The following CCDC88C variants were observed in gnomAD, a reference collection of about 807,000 sequenced individuals.
CCDC88C encodes protein Daple.
CCDC88C carries 131 observed loss-of-function variants against 198.8 expected under a neutral mutation model. The observed-to-expected ratio is 0.66, with a 90% confidence interval of 0.57 to 0.76. CCDC88C has a LOEUF of 0.76. CCDC88C is among the 30% of genes least tolerant of loss of function. The pLI, the probability that CCDC88C is intolerant of heterozygous loss-of-function variation, is 0.00. For synonymous variants in CCDC88C, 1,166 were observed against 1,114.7 expected, an observed-to-expected ratio of 1.05 and a Z score of -0.92; for missense variants, 2,553 against 2,631.6, an observed-to-expected ratio of 0.97 and a Z score of 0.65.
intron 4 of CCDC88C, among the ~76,000 whole-genome samples, chr14:91,344,330 C>T (rs766256912): frequency 5.3e-5 from 8 of 152,206 alleles, no homozygotes; most frequent in Non-Finnish European, 1.0e-4. Context: ...TACAACCTTC[C>T]CCTTTTTATT....
chr14:91,356,285 A>G (rs1178704064), intron 4 of CCDC88C, among the ~76,000 whole-genome samples: 1 of 151,980 alleles, frequency 6.6e-6, no homozygotes, highest in African/African-American at 2.4e-5. Flanking sequence ...AAACCTACTC[A>G]TCCGTGCACC....
In CCDC88C at chr14:91,272,725, A is replaced by C. The variant is rs1456726300; in HGVS notation, c.5987T>G (p.Leu1996Arg). 1.2e-6 allele frequency: 2 copies of C among 1,610,544 alleles called. No individual in the cohort carries two copies. Among genetic ancestry groups the C allele is most frequent in the Non-Finnish European group, 1.7e-6 (2 of 1,179,556 alleles). ...PDLAPHLGRA[L>R]EDCSRGSVSK... ...GACGCTCCCTCGACTGCAGTCCTCC[A>C]GGGCCCGGCCGAGGTGGGGAGCCAA... Residue 1996 changes from leucine to arginine, a missense_variant, in exon 30 of 30, where the codon CTG becomes CGG. Leu to Arg is a moderately radical substitution (Grantham distance 102, BLOSUM62 -2). Transcript: ENST00000389857.
intron 6 of CCDC88C, among the ~76,000 whole-genome samples, chr14:91,340,651 C>T (rs1041741900): frequency 6.6e-6 from 1 of 152,084 alleles, no homozygotes; most frequent in African/African-American, 2.4e-5. Context: ...GGATCCATTT[C>T]GAGCTCTTCT....
intron 4 of CCDC88C, among the ~76,000 whole-genome samples, chr14:91,353,026 A>G (rs1893885478): frequency 6.6e-6 from 1 of 151,772 alleles, no homozygotes; most frequent in African/African-American, 2.4e-5. Flanking sequence ...TACGAGAGAG[A>G]GGTTTCCATG....
chr14:91,325,083 C>A lies in CCDC88C; in HGVS notation c.1198-160G>T, dbSNP rs1892527121. ...TGCACAGAAACATCCCAACACAGGGCCCTGCTATGAGAGGGAAAGCCACTC... is the reference window on the plus strand; with the variant it reads ...TGCACAGAAACATCCCAACACAGGGACCTGCTATGAGAGGGAAAGCCACTC... On this transcript the variant is annotated intron_variant, in intron 11 of 29. Coordinates refer to ENST00000389857, the MANE Select transcript of CCDC88C (RefSeq NM_001080414.4). This position sits in a 1 kb window ranked among gnomAD's most constrained non-coding sequence, Gnocchi z 4.1. Among the ~76,000 whole-genome samples the A allele has an allele frequency of 6.6e-6, 1 of 152,178 alleles. No individual in the cohort carries two copies. The highest frequency in any genetic ancestry group is 1.5e-5 in the Non-Finnish European group (1 of 68,036).
At chr14:91,360,358 C>T (rs1894254827) in intron 3 of CCDC88C, among the ~76,000 whole-genome samples, 1 of 151,786 alleles carries the variant, frequency 6.6e-6, no homozygotes, top group Admixed American at 6.6e-5. Context: ...TGAGGTGGAA[C>T]AATCGCTTGA....
At chr14:91,379,606 G>A (rs1884659758) in intron 3 of CCDC88C, 2 of 566,606 alleles carry the variant, frequency 3.5e-6, no homozygotes, top group African/African-American at 1.9e-5. Context: ...GAAGTGGGAC[G>A]CTGACGGTGC....
intron 16 of CCDC88C, 35 bp downstream of exon 16, chr14:91,309,824 C>T (rs778168075): frequency 6.3e-7 from 1 of 1,589,026 alleles, no homozygotes; most frequent in South Asian, 1.1e-5. Flanking sequence ...GGAGGAAGTG[C>T]TCCCACGATG....
At chr14:91,320,837 A>AT (rs1892325454) in intron 13 of CCDC88C, among the ~76,000 whole-genome samples, 1 of 152,190 alleles carries the variant, frequency 6.6e-6, no homozygotes. Flanking sequence ...CATCAACCCC[A>AT]TTTCACAAAT....
chr14:91,346,174 G>C (rs1893539317), intron 4 of CCDC88C, among the ~76,000 whole-genome samples: 1 of 152,180 alleles, frequency 6.6e-6, no homozygotes, highest in African/African-American at 2.4e-5. Context: ...CTCCTCCTAA[G>C]ACCCCTCAAC....
At position 91,313,210 on chromosome 14, in the gene CCDC88C, C is replaced by T. The variant is rs910008504; in HGVS notation, c.2606G>A (p.Ser869Asn). 1 of 1,613,924 alleles carries T rather than the reference C, an allele frequency of 6.2e-7. No homozygotes were observed. Residue 869 changes from serine (S) to asparagine (N), a missense_variant, in exon 15 of 30, where the codon AGC becomes AAC. By Grantham distance (46) the Ser-to-Asn change is conservative. Coordinates refer to ENST00000389857, the MANE Select transcript of CCDC88C (RefSeq NM_001080414.4). This position sits in a 1 kb window ranked among gnomAD's most constrained non-coding sequence, Gnocchi z 5.2. Reference sequence around the variant, plus strand: ...GGCCAGCTCCTTGTCCAGCGCGCGGCTCTCCTTCTCAACGGCGGACAGTTT... The same window carrying T: ...GGCCAGCTCCTTGTCCAGCGCGCGGTTCTCCTTCTCAACGGCGGACAGTTT... Reference protein sequence around the residue: ...TAKLSAVEKESRALDKELARC... With the variant: ...TAKLSAVEKENRALDKELARC...
chr14:91,312,368 A>G (rs1891869870), intron 15 of CCDC88C, among the ~76,000 whole-genome samples: 1 of 152,010 alleles, frequency 6.6e-6, no homozygotes, highest in African/African-American at 2.4e-5. Flanking sequence ...AGCCTGGGTG[A>G]CAAAGCAAGA....
rs369105070 is a variant in CCDC88C at position 91,297,378 on chromosome 14, G to C, written c.3893C>G (p.Ala1298Gly). The change falls in exon 22 of 30, where the codon GCC (alanine) becomes GGC (glycine). Residue 1298 changes from alanine (A) to glycine (G), a missense_variant. Physicochemically the swap from Ala to Gly is moderately conservative, Grantham distance 60. This residue lies in a region of CCDC88C where 1,293 missense variants were observed against 1,219.6 expected (regional missense o/e 1.06). Coordinates refer to ENST00000389857, the MANE Select transcript of CCDC88C (RefSeq NM_001080414.4). ...NAQLELNRWQ[A>G]RFDELKEQHQ... is the part of the protein sequence containing the mutation. ...CTGCTCCTTCAGCTCGTCGAAGCGGGCCTGCCAGCGGTTGAGCTCCAGCTG... is the reference window on the plus strand; with the variant it reads ...CTGCTCCTTCAGCTCGTCGAAGCGGCCCTGCCAGCGGTTGAGCTCCAGCTG... 21 of 1,613,452 alleles carry C rather than the reference G, an allele frequency of 1.3e-5. No individual in the cohort carries two copies. The African/African-American group carries it at 2.3e-4, about 17-fold the overall frequency.
intron 3 of CCDC88C, among the ~76,000 whole-genome samples, chr14:91,388,501 C>T (rs1210852059): frequency 6.6e-6 from 1 of 152,224 alleles, no homozygotes; most frequent in Non-Finnish European, 1.5e-5. Flanking sequence ...TCTGCCATAG[C>T]AACACTAGAT....
At chr14:91,401,341 T>TAC (rs1194919818) in intron 3 of CCDC88C, among the ~76,000 whole-genome samples, 3 of 125,130 alleles carry the variant, frequency 2.4e-5, no homozygotes, top group South Asian at 2.4e-4. Context: ...ATTATATATA[T>TAC]ATATATTTTT....
intron 3 of CCDC88C, among the ~76,000 whole-genome samples, chr14:91,395,824 C>T (rs148942318): frequency 5.2e-4 from 79 of 152,268 alleles, no homozygotes; most frequent in African/African-American, 1.8e-3. Flanking sequence ...CAACCCTTAG[C>T]CTCCCCGAAA....
rs753146306 is a variant in CCDC88C, at chr14:91,339,048, C to T, written c.809+230G>A. 24 of 628,130 alleles carry T rather than the reference C, an allele frequency of 3.8e-5. No homozygotes were observed. Among genetic ancestry groups the T allele is most frequent in the African/African-American group, 7.2e-5 (4 of 55,684 alleles). The allele number at this position is 628,130 out of a possible 1,614,324, so 38.9% of individuals were successfully genotyped here. ...CTGTGGACAACTTGCACCGTCTGGA[C>T]GGGAGGAAACCCTGAAGACCGGGAA... On this transcript the variant is annotated intron_variant, in intron 8 of 29. Transcript: ENST00000389857. The surrounding 1 kb of genome is among the most constrained non-coding windows in gnomAD (Gnocchi z 5.8).
intron 20 of CCDC88C, among the ~76,000 whole-genome samples, chr14:91,301,129 C>A (rs1258709009): frequency 6.6e-6 from 1 of 151,950 alleles, no homozygotes; most frequent in African/African-American, 2.4e-5. Context: ...ACCACTGAAT[C>A]CCCGTGTGAG....
intron 12 of CCDC88C, among the ~76,000 whole-genome samples, chr14:91,322,679 G>A (rs895229686): frequency 1.3e-5 from 2 of 152,234 alleles, no homozygotes; most frequent in African/African-American, 4.8e-5. Flanking sequence ...TACCATTTTA[G>A]CCATTTTAAA....
Sources: gnomAD v4.1 joint callset for allele counts (sites outside exome capture counted in the v4.1 genomes callset) on GRCh38, gnomAD v4.1.1 for gene constraint, gnomAD v4.1.1 regional missense constraint, Gnocchi (gnomAD v3.1) non-coding constraint, MANE v1.5 for transcripts, NCBI Gene and HGNC (gene_info 2026-07-23, HGNC 2026-07-21) for gene names.